OR5V1: variants seen among roughly 807,000 people sequenced by gnomAD.
The protein encoded by OR5V1 is olfactory receptor 5V1.
For synonymous variants in OR5V1, 134 were observed against 143.2 expected, an observed-to-expected ratio of 0.94 and a Z score of 0.46; for missense variants, 365 against 371.5, an observed-to-expected ratio of 0.98 and a Z score of 0.14.
intron 1 of OR5V1, among the ~76,000 whole-genome samples, chr6:29,365,018 T>C (rs1778780931): frequency 6.6e-6 from 1 of 150,822 alleles, no homozygotes; most frequent in Non-Finnish European, 1.5e-5. Context: ...TGAAAAAACC[T>C]GACAAACCTG....
At chr6:29,359,479 T>C (rs936879940) in intron 1 of OR5V1, among the ~76,000 whole-genome samples, 1 of 152,198 alleles carries the variant, frequency 6.6e-6, no homozygotes. Context: ...TGTCATTCTC[T>C]GAAATGAAAG....
intron 1 of OR5V1, among the ~76,000 whole-genome samples, chr6:29,359,299 C>A (rs764894271): frequency 6.6e-6 from 1 of 152,072 alleles, no homozygotes; most frequent in Non-Finnish European, 1.5e-5. Context: ...CATATTATGT[C>A]CACATTACAA....
Position 29,355,369 on chromosome 6 carries a change from A to T in OR5V1, c.827T>A (p.Val276Glu). 1 of 1,614,002 alleles carries T rather than the reference A, an allele frequency of 6.2e-7. No individual in the cohort carries two copies. The highest frequency in any genetic ancestry group is 8.5e-7 in the Non-Finnish European group (1 of 1,179,898). ...YSLKKDRLVS[V>E]LYSVVTPMLN... ...CATGGGGGTAACAACACTGTACAAC[A>T]CTGAAACCAACCTATCTTTCTTTAA... The change falls in exon 2 of 2, where the codon GTG (valine) becomes GAG (glutamate). Residue 276 changes from valine (V) to glutamate (E), a missense_variant. Physicochemically the swap from Val to Glu is moderately radical, Grantham distance 121 (BLOSUM62 -2). Coordinates refer to ENST00000641768, the MANE Select transcript of OR5V1 (RefSeq NM_030876.6).
chr6:29,363,490 CA>C (rs1364268136), intron 1 of OR5V1, among the ~76,000 whole-genome samples: 1 of 151,986 alleles, frequency 6.6e-6, no homozygotes, highest in Non-Finnish European at 1.5e-5. Context: ...GGCAAAGACA[CA>C]ACAAAAAAAG....
Position 29,355,262 on chromosome 6 carries a change from T to TG in OR5V1, c.933_934insC (p.Ile312HisfsTer6). 6.2e-7 allele frequency: 1 copy of TG among 1,604,144 alleles called. No homozygotes were observed. The highest frequency in any genetic ancestry group is 8.5e-7 in the Non-Finnish European group (1 of 1,176,964). ...GTGAGTTTACTATCCAAAGAGGAAA[T>TG]TGGTGGCTGCCACTTGCTCCCTATA... is the stretch of plus-strand genomic sequence containing the variant. On this transcript the variant is annotated frameshift_variant, in exon 2 of 2. Coordinates refer to ENST00000641768, the MANE Select transcript of OR5V1 (RefSeq NM_030876.6). LOFTEE classifies it low-confidence loss of function (END_TRUNC).
chr6:29,361,450 C>G (rs945350419), intron 1 of OR5V1, among the ~76,000 whole-genome samples: 1 of 151,942 alleles, frequency 6.6e-6, no homozygotes. Flanking sequence ...AGATACTCCT[C>G]GAGAAGGGCA....
At position 29,355,977 on chromosome 6, in the gene OR5V1, G is replaced by A. The variant is rs1018583976; in HGVS notation, c.219C>T (p.Tyr73=). Reference sequence around the variant, plus strand: ...TCATCTGGGGGACATTGCTGGTGGTGTAGCAGATGTCAATAAAGGCCAAGT... The same window carrying A: ...TCATCTGGGGGACATTGCTGGTGGTATAGCAGATGTCAATAAAGGCCAAGT... ...LGNLAFIDIC[Y]TTSNVPQMMV... is the part of the protein sequence containing the mutation. The change falls in exon 2 of 2, where the codon TAC becomes TAT. Residue 73 remains tyrosine, a synonymous_variant. Transcript: ENST00000641768. The A allele has an allele frequency of 6.2e-7, 1 of 1,613,922 alleles. No homozygotes were observed. The highest frequency in any genetic ancestry group is 8.5e-7 in the Non-Finnish European group (1 of 1,179,960).
chr6:29,355,990 A>G lies in OR5V1; in HGVS notation c.206T>C (p.Ile69Thr), dbSNP rs1778277928. The change falls in exon 2 of 2, where the codon ATT becomes ACT. Residue 69 changes from isoleucine to threonine, a missense_variant. Physicochemically the swap from Ile to Thr is moderately conservative, Grantham distance 89. Transcript: ENST00000641768. The part of the protein sequence containing the change: ...MYYFLGNLAF[I>T]DICYTTSNVP... ...ATTGCTGGTGGTGTAGCAGATGTCAATAAAGGCCAAGTTCCCTAGAAAATA... is the reference window on the plus strand; with the variant it reads ...ATTGCTGGTGGTGTAGCAGATGTCAGTAAAGGCCAAGTTCCCTAGAAAATA... 5.0e-6 allele frequency: 8 copies of G among 1,613,964 alleles called. No individual in the cohort carries two copies. In the African/African-American group the frequency reaches 5.3e-5, roughly 11 times the overall value.
Position 29,355,957 on chromosome 6 carries a change from T to C in OR5V1, c.239A>G (p.Gln80Arg). The C allele has an allele frequency of 1.2e-6, 2 of 1,614,048 alleles. No homozygotes were observed. Among genetic ancestry groups the C allele is most frequent in the Non-Finnish European group, 1.7e-6 (2 of 1,179,950 alleles). The change falls in exon 2 of 2, where the codon CAG becomes CGG. Residue 80 changes from glutamine to arginine, a missense_variant. Transcript: ENST00000641768. The stretch of plus-strand genomic sequence containing the variant: ...CTTTGAGAGGAGGTGCACCATCATC[T>C]GGGGGACATTGCTGGTGGTGTAGCA... ...DICYTTSNVP[Q>R]MMVHLLSKKK...
Sources: allele counts gnomAD v4.1 joint callset (sites outside exome capture counted in the v4.1 genomes callset), GRCh38; gene constraint gnomAD v4.1.1; transcripts MANE v1.5; gene names NCBI Gene and HGNC (gene_info 2026-07-23, HGNC 2026-07-21).